Variants in CEP63 observed in about 807,000 individuals in gnomAD.
CEP63 encodes the protein centrosomal protein of 63 kDa.
Under a neutral mutation model 89.1 loss-of-function variants are expected in CEP63, and 84 were observed. That is an observed-to-expected ratio of 0.94 (90% CI 0.79 to 1.13). The LOEUF is 1.13. Ranked by LOEUF, CEP63 falls within the 50% of genes most tolerant of loss-of-function variation. The pLI is 0.00. For missense variants in CEP63, 838 were observed against 813.3 expected (o/e 1.03, Z -0.37); for synonymous variants, 267 against 272.5 (o/e 0.98, Z 0.20).
chr3:134,769,178 TGCA>T, the CEP63 span, among the ~76,000 whole-genome samples: 1 of 152,160 alleles, frequency 6.6e-6, no homozygotes, highest in Non-Finnish European at 1.5e-5. Context: ...TCTCAAGAGA[TGCA>T]GGTACTGAGC....
the CEP63 span, among the ~76,000 whole-genome samples, chr3:134,762,594 G>A: frequency 6.6e-6 from 1 of 152,174 alleles, no homozygotes; most frequent in Non-Finnish European, 1.5e-5. Flanking sequence ...TGGACACACA[G>A]ATCTACACAG....
chr3:134,663,741 G>A, the CEP63 span, among the ~76,000 whole-genome samples: 1 of 152,234 alleles, frequency 6.6e-6, no homozygotes, highest in Non-Finnish European at 1.5e-5. Flanking sequence ...GGGATGGGGA[G>A]AGTGGCTGCA....
chr3:134,726,851 G>T, the CEP63 span, among the ~76,000 whole-genome samples: 2 of 152,192 alleles, frequency 1.3e-5, no homozygotes, highest in Non-Finnish European at 2.9e-5. Context: ...TTAGCACAGG[G>T]AACTGCCGGC....
At chr3:134,738,972 A>AG in the CEP63 span, among the ~76,000 whole-genome samples, 1 of 151,982 alleles carries the variant, frequency 6.6e-6, no homozygotes, top group Non-Finnish European at 1.5e-5. Context: ...ATAATAAAAA[A>AG]AAAAAAAACC....
Position 134,531,129 on chromosome 3 carries a change from G to A in CEP63, c.223-716G>A, listed in dbSNP as rs148461752. On this transcript the variant is annotated intron_variant, in intron 3 of 14. Coordinates refer to ENST00000675561, the MANE Select transcript of CEP63 (RefSeq NM_001353108.3). ...GGCACAAACCTCCTTTTGTTTTCCT[G>A]TCTGACGTTACTATTCTGTACTTTA... 2.8e-4 allele frequency among the ~76,000 whole-genome samples: 42 copies of A among 152,262 alleles called. 1 individual carries two copies. In the East Asian group the frequency reaches 7.9e-3, roughly 29 times the overall value.
downstream of CEP63, among the ~76,000 whole-genome samples, chr3:134,578,272 G>A (rs889865121): frequency 2.0e-5 from 3 of 150,344 alleles, no homozygotes; most frequent in Non-Finnish European, 4.4e-5. Context: ...CCACAGCCTC[G>A]CTAGCATCTA....
At chr3:134,704,241 A>G in the CEP63 span, among the ~76,000 whole-genome samples, 1 of 152,182 alleles carries the variant, frequency 6.6e-6, no homozygotes, top group Non-Finnish European at 1.5e-5. Flanking sequence ...AGGCTTGGGT[A>G]TCCCATTTCT....
In CEP63 at chr3:134,526,674, C is replaced by G. The variant is rs562531245; in HGVS notation, c.223-5171C>G. The stretch of plus-strand genomic sequence containing the variant: ...ATGGTTGTTTGGAGGAAGGAAGATA[C>G]TCTGGCTTTTTGAGTTCTTGGAGTT... On this transcript the variant is annotated intron_variant, in intron 3 of 14. Transcript: ENST00000675561. 2.6e-5 allele frequency among the ~76,000 whole-genome samples: 4 copies of G among 152,242 alleles called. No homozygotes were observed. In the East Asian group the frequency reaches 7.7e-4, roughly 29 times the overall value.
At chr3:134,654,017 T>A in the CEP63 span, among the ~76,000 whole-genome samples, 2 of 152,232 alleles carry the variant, frequency 1.3e-5, no homozygotes, top group African/African-American at 4.8e-5. Context: ...AGCAAAACTT[T>A]ATTTTAATCA....
chr3:134,713,658 C>T, the CEP63 span, among the ~76,000 whole-genome samples: 2 of 152,068 alleles, frequency 1.3e-5, no homozygotes, highest in African/African-American at 4.8e-5. Context: ...CAGGCTTGGT[C>T]TGGGGTATGA....
chr3:134,618,128 CA>C, the CEP63 span, among the ~76,000 whole-genome samples: 1 of 152,092 alleles, frequency 6.6e-6, no homozygotes, highest in Non-Finnish European at 1.5e-5. Flanking sequence ...GGAAGCAGAG[CA>C]GGAGGCTTAG....
At chr3:134,725,835 T>C in the CEP63 span, among the ~76,000 whole-genome samples, 5 of 152,122 alleles carry the variant, frequency 3.3e-5, no homozygotes, top group Non-Finnish European at 7.4e-5. Flanking sequence ...CCCTGAACAG[T>C]GGTGGCCAAG....
chr3:134,659,239 T>A, the CEP63 span, among the ~76,000 whole-genome samples: 1 of 152,208 alleles, frequency 6.6e-6, no homozygotes, highest in Non-Finnish European at 1.5e-5. Context: ...ATTACCTCTT[T>A]AACCTAGCCA....
the CEP63 span, chr3:134,619,024 G>C: frequency 1.3e-6 from 1 of 742,580 alleles, no homozygotes; most frequent in Non-Finnish European, 2.4e-6. Context: ...GACTCACTTG[G>C]GTTCCAGAGC....
the CEP63 span, among the ~76,000 whole-genome samples, chr3:134,635,899 A>AT: frequency 2.0e-5 from 3 of 152,154 alleles, no homozygotes; most frequent in African/African-American, 7.2e-5. Flanking sequence ...TAGTAAACAT[A>AT]TTTTTCATAA....
chr3:134,521,004 T>A (rs1261164285), intron 3 of CEP63, among the ~76,000 whole-genome samples: 1 of 152,156 alleles, frequency 6.6e-6, no homozygotes, highest in East Asian at 1.9e-4. Flanking sequence ...GTTACTAATT[T>A]AGACTATATT....
the CEP63 span, chr3:134,650,897 T>C: frequency 1.2e-5 from 19 of 1,613,112 alleles, no homozygotes; most frequent in African/African-American, 2.4e-4. Flanking sequence ...GCGCGCCGCT[T>C]CTCCGAGTGC....
the CEP63 span, among the ~76,000 whole-genome samples, chr3:134,750,556 T>C: frequency 6.6e-6 from 1 of 152,214 alleles, no homozygotes; most frequent in Admixed American, 6.5e-5. Flanking sequence ...CTAGCGTTTG[T>C]ACACATGCAG....
At chr3:134,608,612 C>G in the CEP63 span, 1 of 1,613,908 alleles carries the variant, frequency 6.2e-7, no homozygotes, top group Non-Finnish European at 8.5e-7. Flanking sequence ...ATGCTCCATT[C>G]CTGCTGCTAG....
Sources: gnomAD v4.1 joint callset for allele counts (sites outside exome capture counted in the v4.1 genomes callset) on GRCh38, gnomAD v4.1.1 for gene constraint, MANE v1.5 for transcripts, NCBI Gene and HGNC (gene_info 2026-07-23, HGNC 2026-07-21) for gene names.